Variants in SLC38A10 observed in about 807,000 individuals in gnomAD.
SLC38A10 encodes Sodium-coupled neutral amino acid transporter 10.
SLC38A10 carries 53 observed loss-of-function variants against 81.0 expected under a neutral mutation model. The observed-to-expected ratio is 0.65, with a 90% CI of 0.53 to 0.82. The LOEUF is 0.82. SLC38A10 is among the 40% of genes least tolerant of loss of function. The pLI is 0.00. For synonymous variants in SLC38A10, 665 were observed against 655.3 expected (o/e 1.01, Z -0.23); for missense variants, 1,471 against 1,545.0 (o/e 0.95, Z 0.80).
intron 10 of SLC38A10, chr17:81,264,764 G>A (rs952249095): frequency 6.6e-6 from 1 of 152,176 alleles, no homozygotes; most frequent in African/African-American, 2.4e-5. Context: ...ACCCAGCAAG[G>A]CCCCGAGCCT....
Position 81,253,084 on chromosome 17 carries a change from C to A in SLC38A10, c.1445G>T (p.Arg482Leu). 6.2e-7 allele frequency: 1 copy of A among 1,613,094 alleles called. No homozygotes were observed. The highest frequency in any genetic ancestry group is 1.1e-5 in the South Asian group (1 of 91,070). The stretch of plus-strand genomic sequence containing the variant: ...CCAGTGCCCAGCACCTTGCCCAGGG[C>A]GATCGAGCTGTGCCTCCTCCGGTGC... The part of the protein sequence containing the change: ...KEAPEEAQLD[R>L]PGQGIAVPVG... The change falls in exon 12 of 16, where the codon CGC (arginine) becomes CTC (leucine). Residue 482 changes from arginine (R) to leucine (L), a missense_variant. By Grantham distance (102) the Arg-to-Leu change is moderately radical. Around this residue, in one of 2 missense-constraint regions of SLC38A10, gnomAD observed 720 missense variants for 827.7 expected, o/e 0.87. Transcript: ENST00000374759. This position sits in a 1 kb window ranked among gnomAD's most constrained non-coding sequence, Gnocchi z 4.1.
intron 13 of SLC38A10, 197 bp from the exon 14 acceptor site, chr17:81,251,809 T>C: frequency 3.3e-6 from 2 of 599,064 alleles, no homozygotes; most frequent in South Asian, 3.9e-5. Context: ...CCTCATAGGC[T>C]TGTGGCAATG....
In SLC38A10 at chr17:81,289,615, GTAAA is replaced by G. The variant is rs989245564; in HGVS notation, c.217+72_217+75del. On this transcript the variant is annotated intron_variant, in intron 2 of 15. Transcript: ENST00000374759. The surrounding 1 kb of genome is among the most constrained non-coding windows in gnomAD (Gnocchi z 5.9). ...AGGAATTCTTGAAGAATCAAGTAGAGTAAATAAATAAATAAATAAATGGAATAAG... is the reference window on the plus strand; with the variant it reads ...AGGAATTCTTGAAGAATCAAGTAGAGTAAATAAATAAATAAATGGAATAAG... 5.8e-4 allele frequency: 565 copies of G among 977,800 alleles called. No homozygotes were observed. Among genetic ancestry groups the G allele is most frequent in the South Asian group, 9.3e-4 (48 of 51,728 alleles). The allele number at this position is 977,800 out of a possible 1,614,324, so 60.6% of individuals were successfully genotyped here. A position where few individuals can be genotyped will look rare whatever the true frequency, so the allele number is the denominator to read the frequency against.
In SLC38A10 at chr17:81,276,697, G is replaced by A. The variant is rs977122965; in HGVS notation, c.729+334C>T. Among the ~76,000 whole-genome samples the A allele has an allele frequency of 2.0e-5, 3 of 152,188 alleles. No individual in the cohort carries two copies. The highest frequency in any genetic ancestry group is 2.9e-5 in the Non-Finnish European group (2 of 68,032). ...GAGCAACGGCGCCCGGCCGGAACATGCCCATTTCTACAGAGAATTAACAGA... is the reference window on the plus strand; with the variant it reads ...GAGCAACGGCGCCCGGCCGGAACATACCCATTTCTACAGAGAATTAACAGA... On this transcript the variant is annotated intron_variant, in intron 7 of 15. Coordinates refer to ENST00000374759, the MANE Select transcript of SLC38A10 (RefSeq NM_001037984.3). This position sits in a 1 kb window ranked among gnomAD's most constrained non-coding sequence, Gnocchi z 4.7.
rs1034171051 is a variant in SLC38A10, at chr17:81,288,100, C to T, written c.217+1591G>A. ...AAGACTCTGACAGCACCATTCTCAT[C>T]AGGAAGGGAGGAGAAGGAATACATC... On this transcript the variant is annotated intron_variant, in intron 2 of 15. Transcript: ENST00000374759. The surrounding 1 kb of genome is among the most constrained non-coding windows in gnomAD (Gnocchi z 5.4). Among the ~76,000 whole-genome samples, 2 of 152,224 alleles carry T rather than the reference C, an allele frequency of 1.3e-5. No homozygotes were observed. Among genetic ancestry groups the T allele is most frequent in the African/African-American group, 2.4e-5 (1 of 41,450 alleles).
rs926025229 is a variant in SLC38A10 at position 81,269,843 on chromosome 17, C to T, written c.1131+1075G>A. The stretch of plus-strand genomic sequence containing the variant: ...CACTAAAAATACAAAATTAGCCCGG[C>T]GTGGTGGCTACTCAGGAGGCTGAGG... On this transcript the variant is annotated intron_variant, in intron 10 of 15. Transcript: ENST00000374759. Among the ~76,000 whole-genome samples, 11 of 150,926 alleles carry T rather than the reference C, an allele frequency of 7.3e-5. No individual in the cohort carries two copies. The East Asian group carries it at 7.9e-4, about 11-fold the overall frequency.
intron 10 of SLC38A10, among the ~76,000 whole-genome samples, chr17:81,268,402 CT>C (rs886688142): frequency 6.6e-6 from 1 of 151,932 alleles, no homozygotes; most frequent in South Asian, 2.1e-4. Context: ...TTTTCTTCTT[CT>C]TTTTTTTCTT....
Position 81,251,033 on chromosome 17 carries a change from C to A in SLC38A10, c.2065+460G>T, listed in dbSNP as rs187896866. ...GGCCAGGGCTATGCTAGGACCAGGG[C>A]GGGCACAGCCACCCCCAAACTGGGT... On this transcript the variant is annotated intron_variant, in intron 14 of 15. Coordinates refer to ENST00000374759, the MANE Select transcript of SLC38A10 (RefSeq NM_001037984.3). 3.5e-6 allele frequency: 5 copies of A among 1,427,088 alleles called. No individual in the cohort carries two copies. The Admixed American group carries it at 1.6e-4, about 45-fold the overall frequency. The allele number at this position is 1,427,088 out of a possible 1,614,324, so 88.4% of individuals were successfully genotyped here. A position where few individuals can be genotyped will look rare whatever the true frequency, so the allele number is the denominator to read the frequency against.
Position 81,270,879 on chromosome 17 carries a change from A to C in SLC38A10, c.1131+39T>G, listed in dbSNP as rs753783002. On this transcript the variant is annotated intron_variant, in intron 10 of 15. Coordinates refer to ENST00000374759, the MANE Select transcript of SLC38A10 (RefSeq NM_001037984.3). The surrounding 1 kb of genome is among the most constrained non-coding windows in gnomAD (Gnocchi z 4.0). ...CTCCACCTCTCCCCAGCCCAGACCC[A>C]TCAGCCCTCGTCCAGGCCACCCCAC... 1 of 1,582,274 alleles carries C rather than the reference A, an allele frequency of 6.3e-7. No individual in the cohort carries two copies. Among genetic ancestry groups the C allele is most frequent in the Non-Finnish European group, 8.7e-7 (1 of 1,151,562 alleles).
chr17:81,252,518 G>C lies in SLC38A10; in HGVS notation c.1622C>G (p.Pro541Arg), dbSNP rs1410421530. 5.0e-6 allele frequency: 8 copies of C among 1,613,212 alleles called. No individual in the cohort carries two copies. In the Admixed American group the frequency reaches 1.2e-4, roughly 24 times the overall value. Residue 541 changes from proline (P) to arginine (R), a missense_variant, in exon 13 of 16, where the codon CCT becomes CGT. Pro to Arg is a moderately radical substitution (Grantham distance 103, BLOSUM62 -2). Around this residue, in one of 2 missense-constraint regions of SLC38A10, gnomAD observed 720 missense variants for 827.7 expected, o/e 0.87. Coordinates refer to ENST00000374759, the MANE Select transcript of SLC38A10 (RefSeq NM_001037984.3). ...APGVQGQMAPPLPDSEREKQE... is the reference protein window; with the variant it reads ...APGVQGQMAPRLPDSEREKQE... ...TTTCTCTCTTTCTGAGTCGGGCAGA[G>C]GCGGCGCCATCTGGCCCTGGACCCC...
chr17:81,251,153 T>TAACA, intron 14 of SLC38A10: 1 of 1,522,606 alleles, frequency 6.6e-7, no homozygotes, highest in South Asian at 1.3e-5. Context: ...TTAAAACTGT[T>TAACA]AACAAACCTG....
At chr17:81,250,030 G>A in intron 14 of SLC38A10, 1 of 1,285,232 alleles carries the variant, frequency 7.8e-7, no homozygotes, top group Non-Finnish European at 1.0e-6. Context: ...TGGCCCGCCA[G>A]ACAGGCTCTT....
At chr17:81,285,026 G>C in intron 2 of SLC38A10, 131 bp from the exon 3 acceptor site, 1 of 658,350 alleles carries the variant, frequency 1.5e-6, no homozygotes, top group African/African-American at 1.9e-5. Flanking sequence ...GGCATGAGGG[G>C]TATTTCAAAT....
chr17:81,290,411 G>C (rs1039264029), intron 1 of SLC38A10, among the ~76,000 whole-genome samples: 1 of 152,176 alleles, frequency 6.6e-6, no homozygotes, highest in African/African-American at 2.4e-5. Flanking sequence ...TCGAATAAGG[G>C]AATATTAGTC....
chr17:81,266,054 C>T (rs1054325346), intron 10 of SLC38A10, among the ~76,000 whole-genome samples: 1 of 152,162 alleles, frequency 6.6e-6, no homozygotes, highest in East Asian at 1.9e-4. Context: ...AGTCAAAAGC[C>T]GACACTGGGC....
intron 12 of SLC38A10, among the ~76,000 whole-genome samples, 170 bp downstream of exon 12, chr17:81,252,903 A>G (rs1255741379): frequency 6.6e-6 from 1 of 152,260 alleles, no homozygotes; most frequent in Non-Finnish European, 1.5e-5. Context: ...GAGGGGCAGG[A>G]CATTCATCTG....
rs369536281 is a variant in SLC38A10 at position 81,252,235 on chromosome 17, G to A, written c.1905C>T (p.Ala635=). ...CTGCGGGCTGCCCTGTGTCCCCGGCGGCGTTGCCTGGCGGCGGTCCCCCCT... is the reference window on the plus strand; with the variant it reads ...CTGCGGGCTGCCCTGTGTCCCCGGCAGCGTTGCCTGGCGGCGGTCCCCCCT... The part of the protein sequence containing the change: ...KAKGGPPPGN[A]AGDTGQPAED... Residue 635 remains alanine (A), a synonymous_variant, in exon 13 of 16, where the codon GCC becomes GCT. Coordinates refer to ENST00000374759, the MANE Select transcript of SLC38A10 (RefSeq NM_001037984.3). 1.4e-5 allele frequency: 21 copies of A among 1,544,518 alleles called. No homozygotes were observed. Among genetic ancestry groups the A allele is most frequent in the East Asian group, 6.8e-5 (3 of 44,260 alleles).
rs1265275452 is a variant in SLC38A10 at position 81,270,507 on chromosome 17, A to G, written c.1131+411T>C. On this transcript the variant is annotated intron_variant, in intron 10 of 15. Transcript: ENST00000374759. The surrounding 1 kb of genome is among the most constrained non-coding windows in gnomAD (Gnocchi z 4.0). Reference sequence around the variant, plus strand: ...AGGAAGCTGTGTTACAGTTAAAGAAAAACCCACAAGCACGCACATCTCCGT... The same window carrying G: ...AGGAAGCTGTGTTACAGTTAAAGAAGAACCCACAAGCACGCACATCTCCGT... Among the ~76,000 whole-genome samples the G allele has an allele frequency of 6.6e-6, 1 of 152,276 alleles. No homozygotes were observed.
At chr17:81,256,571 C>T (rs1343631653) in intron 11 of SLC38A10, among the ~76,000 whole-genome samples, 2 of 152,216 alleles carry the variant, frequency 1.3e-5, no homozygotes, top group Non-Finnish European at 1.5e-5. Context: ...ATCCCACGGA[C>T]GGAGTGCCTC....
Sources: allele counts gnomAD v4.1 joint callset (sites outside exome capture counted in the v4.1 genomes callset), GRCh38; gene constraint gnomAD v4.1.1; regional missense constraint gnomAD v4.1.1; non-coding constraint Gnocchi (gnomAD v3.1); transcripts MANE v1.5; gene names NCBI Gene and HGNC (gene_info 2026-07-23, HGNC 2026-07-21).